Variants in RIT2 observed in about 807,000 individuals in gnomAD.
RIT2 encodes Ras like without CAAX 2.
A neutral mutation model predicts 23.7 loss-of-function variants in RIT2; 24 were observed. That is an observed-to-expected ratio of 1.01 (90% confidence interval 0.73 to 1.43). The LOEUF is 1.43. Ranked by LOEUF, RIT2 falls within the 40% of genes most tolerant of loss-of-function variation. RIT2 has a pLI of 0.00. For synonymous variants in RIT2, 107 were observed against 91.1 expected (o/e 1.17, Z -0.99); for missense variants, 236 against 266.9 (o/e 0.88, Z 0.81).
intron 1 of RIT2, among the ~76,000 whole-genome samples, chr18:43,073,456 T>G (rs1293983072): frequency 6.6e-6 from 1 of 152,194 alleles, no homozygotes; most frequent in Admixed American, 6.5e-5. Flanking sequence ...AGGTATAATA[T>G]CATTCTTTCT....
At chr18:43,105,499 A>AGGGAGGAAG (rs1913798427) in intron 1 of RIT2, among the ~76,000 whole-genome samples, 2 of 108,896 alleles carry the variant, frequency 1.8e-5, no homozygotes, top group East Asian at 3.0e-4. Context: ...GGAGGAAGAA[A>AGGGAGGAAG]GGGAGGGAGG....
chr18:42,749,208 T>C (rs781457369), intron 4 of RIT2, among the ~76,000 whole-genome samples: 7 of 151,912 alleles, frequency 4.6e-5, no homozygotes, highest in Non-Finnish European at 8.8e-5. Flanking sequence ...AGAAAAAGTA[T>C]GTATTTAAAT....
intron 4 of RIT2, among the ~76,000 whole-genome samples, chr18:42,754,557 G>A (rs1399982905): frequency 6.6e-6 from 1 of 152,116 alleles, no homozygotes; most frequent in African/African-American, 2.4e-5. Context: ...AGACAGTGCA[G>A]TCAGTCTATG....
intron 1 of RIT2, among the ~76,000 whole-genome samples, chr18:43,079,672 A>AT (rs200256625): frequency 3.3e-4 from 50 of 152,268 alleles, no homozygotes; most frequent in African/African-American, 1.2e-3. Flanking sequence ...AGTCAGTGTC[A>AT]TTTTTCCATT....
At chr18:42,939,137 A>T (rs921566296) in intron 3 of RIT2, among the ~76,000 whole-genome samples, 9 of 152,174 alleles carry the variant, frequency 5.9e-5, no homozygotes, top group African/African-American at 1.9e-4. Flanking sequence ...GAACGTAAGA[A>T]AGCAGATGAT....
Position 42,784,113 on chromosome 18 carries a change from G to T in RIT2, c.427-40393C>A, listed in dbSNP as rs917730164. On this transcript the variant is annotated intron_variant, in intron 4 of 4. Transcript: ENST00000326695. ...ACTTCCCACTCTCCTACCATACACA[G>T]TTCTACCATAGTTCTACCATTTTAT... is the stretch of plus-strand genomic sequence containing the variant. Among the ~76,000 whole-genome samples, 7 of 152,052 alleles carry T rather than the reference G, an allele frequency of 4.6e-5. 1 individual carries two copies. Among genetic ancestry groups the T allele is most frequent in the Admixed American group, 2.6e-4 (4 of 15,248 alleles).
intron 2 of RIT2, among the ~76,000 whole-genome samples, chr18:43,026,584 GAAA>G (rs1568059811): frequency 6.4e-5 from 6 of 94,092 alleles, no homozygotes; most frequent in African/African-American, 1.5e-4. Flanking sequence ...AAGAAAGAAA[GAAA>G]GAAAGAAAGA....
intron 3 of RIT2, among the ~76,000 whole-genome samples, chr18:42,943,440 C>T (rs1220500897): frequency 6.6e-6 from 1 of 152,082 alleles, no homozygotes; most frequent in African/African-American, 2.4e-5. Context: ...CTGACTTCAC[C>T]TCTCAGTAGG....
intron 4 of RIT2, among the ~76,000 whole-genome samples, chr18:42,748,119 A>T (rs1912961365): frequency 6.6e-6 from 1 of 152,128 alleles, no homozygotes; most frequent in East Asian, 1.9e-4. Context: ...AGAGTGGGAG[A>T]AAATCTTTGC....
At chr18:42,748,060 GT>G (rs1912959362) in intron 4 of RIT2, among the ~76,000 whole-genome samples, 1 of 152,032 alleles carries the variant, frequency 6.6e-6, no homozygotes, top group Non-Finnish European at 1.5e-5. Context: ...AAACTAAAAA[GT>G]TTCTGCACAT....
intron 1 of RIT2, among the ~76,000 whole-genome samples, chr18:43,109,137 A>G (rs1342490198): frequency 6.6e-6 from 1 of 152,200 alleles, no homozygotes; most frequent in Non-Finnish European, 1.5e-5. Context: ...TACCTCAGAG[A>G]TATTGTTACT....
At chr18:42,936,500 T>C (rs560443235) in intron 3 of RIT2, among the ~76,000 whole-genome samples, 1 of 152,306 alleles carries the variant, frequency 6.6e-6, no homozygotes, top group East Asian at 1.9e-4. Context: ...CAGGAACCAT[T>C]CTGAGTAATG....
intron 4 of RIT2, among the ~76,000 whole-genome samples, chr18:42,875,615 T>G (rs369650337): frequency 1.1e-4 from 16 of 152,126 alleles, no homozygotes; most frequent in African/African-American, 3.1e-4. Context: ...TAAAAGCATG[T>G]TTTAGGAGTT....
At chr18:43,068,322 C>T (rs1912818056) in intron 1 of RIT2, among the ~76,000 whole-genome samples, 1 of 152,092 alleles carries the variant, frequency 6.6e-6, no homozygotes, top group Non-Finnish European at 1.5e-5. Context: ...AGAGCTCAGA[C>T]TCAGGCTTGG....
chr18:42,880,276 C>G (rs183623752), intron 4 of RIT2, among the ~76,000 whole-genome samples: 30 of 152,222 alleles, frequency 2.0e-4, no homozygotes, highest in African/African-American at 7.2e-4. Flanking sequence ...TTTGGGACTT[C>G]TAGAGCATAA....
chr18:42,842,533 A>G (rs1489176107), intron 4 of RIT2, among the ~76,000 whole-genome samples: 3 of 152,176 alleles, frequency 2.0e-5, no homozygotes, highest in African/African-American at 7.2e-5. Context: ...TAGAATTCTT[A>G]TAAATATGCT....
intron 4 of RIT2, among the ~76,000 whole-genome samples, chr18:42,758,954 C>T (rs559459561): frequency 1.3e-5 from 2 of 152,272 alleles, no homozygotes; most frequent in South Asian, 4.2e-4. Context: ...GTTCCCAAGC[C>T]CTCAGGCTTG....
At chr18:42,792,991 C>T (rs143855251) in intron 4 of RIT2, among the ~76,000 whole-genome samples, 1 of 152,040 alleles carries the variant, frequency 6.6e-6, no homozygotes, top group East Asian at 1.9e-4. Flanking sequence ...TATTCAGATA[C>T]CAAGGGAAAT....
intron 1 of RIT2, among the ~76,000 whole-genome samples, chr18:43,070,185 G>T (rs895505125): frequency 1.3e-5 from 2 of 151,984 alleles, no homozygotes; most frequent in Admixed American, 6.6e-5. Context: ...AATTTTTCAC[G>T]GCTCTATTTA....
Sources: allele counts gnomAD v4.1 joint callset (sites outside exome capture counted in the v4.1 genomes callset), GRCh38; gene constraint gnomAD v4.1.1; transcripts MANE v1.5; gene names NCBI Gene and HGNC (gene_info 2026-07-23, HGNC 2026-07-21).